POLRMT: variants seen among roughly 807,000 people sequenced by gnomAD.
The protein encoded by POLRMT is RNA polymerase mitochondrial, also known as DNA-directed RNA polymerase, mitochondrial.
In POLRMT, 114 loss-of-function variants were observed where a neutral mutation model predicts 132.2. The observed-to-expected ratio is 0.86, with a 90% CI of 0.74 to 1.01. POLRMT has a LOEUF of 1.01. Among genes scored for constraint, POLRMT ranks in the 50% least tolerant of loss-of-function variants. The pLI is 0.00. For missense variants in POLRMT, 2,003 were observed against 1,729.1 expected, an observed-to-expected ratio of 1.16 and a Z score of -2.81; for synonymous variants, 1,020 against 773.4, an observed-to-expected ratio of 1.32 and a Z score of -5.29.
In POLRMT at chr19:629,891, G is replaced by C. The variant is rs768466783; in HGVS notation, c.471C>G (p.Thr157=). The C allele has an allele frequency of 1.1e-4, 177 of 1,612,606 alleles. No homozygotes were observed. Among genetic ancestry groups the C allele is most frequent in the Non-Finnish European group, 1.4e-4 (169 of 1,179,716 alleles). ...PFQSGEFKAL[T]RRLQVEPRLL... is the part of the protein sequence containing the mutation. The stretch of plus-strand genomic sequence containing the variant: ...GCCGGGGCTCCACCTGCAGGCGCCT[G>C]GTCAGCGCCTTGAACTCCCCGCTCT... Residue 157 remains threonine, a synonymous_variant, in exon 3 of 21, where the codon ACC becomes ACG. Transcript: ENST00000588649.
At chr19:619,500 C>A in intron 13 of POLRMT, 86 bp downstream of exon 13, 1 of 1,542,378 alleles carries the variant, frequency 6.5e-7, no homozygotes, top group South Asian at 1.2e-5. Context: ...AGGGCTCCTG[C>A]TGGGAGGCTG....
At chr19:623,343 C>G in intron 6 of POLRMT, 111 bp downstream of exon 6, 1 of 1,499,748 alleles carries the variant, frequency 6.7e-7, no homozygotes, top group Non-Finnish European at 8.9e-7. Context: ...GGACACGCGA[C>G]CCCGGCTCAG....
At chr19:632,276 C>T (rs544851239) in intron 2 of POLRMT, among the ~76,000 whole-genome samples, 1 of 152,350 alleles carries the variant, frequency 6.6e-6, no homozygotes, top group South Asian at 2.1e-4. Context: ...CTCTCCCTTC[C>T]CGGCTGCCTA....
At position 620,354 on chromosome 19, in the gene POLRMT, A is replaced by G. The variant is rs936997215; in HGVS notation, c.2763+11T>C. 6.4e-7 allele frequency: 1 copy of G among 1,566,274 alleles called. No homozygotes were observed. Among genetic ancestry groups the G allele is most frequent in the Non-Finnish European group, 8.6e-7 (1 of 1,156,314 alleles). On this transcript the variant is annotated intron_variant, in intron 11 of 20. Transcript: ENST00000588649. ...CTGCACGGCCTCGGGGGCCAGACCC[A>G]GCTGGCTCACCTGATGGACGGGGAG...
intron 2 of POLRMT, among the ~76,000 whole-genome samples, chr19:630,858 T>G (rs1985362144): frequency 6.6e-6 from 1 of 152,192 alleles, no homozygotes; most frequent in Non-Finnish European, 1.5e-5. Context: ...AAAGAAGCCT[T>G]GTTGGAAATC....
intron 10 of POLRMT, 47 bp from the exon 11 acceptor site, chr19:620,534 T>C (rs564932646): frequency 1.4e-6 from 2 of 1,479,030 alleles, no homozygotes; most frequent in Non-Finnish European, 1.8e-6. Flanking sequence ...GCCCGATCCC[T>C]GAGCCCGCTG....
At chr19:632,482 A>G (rs2144715887) in intron 2 of POLRMT, among the ~76,000 whole-genome samples, 1 of 148,406 alleles carries the variant, frequency 6.7e-6, no homozygotes, top group East Asian at 2.0e-4. Context: ...AGGACAGCTG[A>G]GTCAGTTCAG....
rs1255985973 is a variant in POLRMT at position 622,584 on chromosome 19, C to G, written c.1624G>C (p.Glu542Gln). The G allele has an allele frequency of 6.3e-7, 1 of 1,598,402 alleles. No homozygotes were observed. Among genetic ancestry groups the G allele is most frequent in the Non-Finnish European group, 8.5e-7 (1 of 1,172,362 alleles). Residue 542 changes from glutamate to glutamine, a missense_variant and splice_region_variant, in exon 8 of 21, where the codon GAG becomes CAG. By Grantham distance (29) the Glu-to-Gln change is conservative (BLOSUM62 2). Transcript: ENST00000588649. ...AGGAGAGGGGGTGCGAGCCTCACCT[C>G]GGCGTCGGAGGCCAGCAAGCAGAGG... ...KYLCLLASDA[E>Q]VPEPCLPRQY...
Position 622,897 on chromosome 19 carries a change from A to C in POLRMT, c.1379T>G (p.Val460Gly), listed in dbSNP as rs1305931327. ...GTAAAGTGAGAACCGGCCCTCGTAC[A>C]CCTCGCGCTCTAGGCGGTTCTTGGT... Reference protein sequence around the residue: ...RETKNRLEREVYEGRFSLYPF... With the variant: ...RETKNRLEREGYEGRFSLYPF... Residue 460 changes from valine (V) to glycine (G), a missense_variant, in exon 7 of 21, where the codon GTG becomes GGG. Physicochemically the swap from Val to Gly is moderately radical, Grantham distance 109. Transcript: ENST00000588649. 1 of 1,612,022 alleles carries C rather than the reference A, an allele frequency of 6.2e-7. No individual in the cohort carries two copies. The highest frequency in any genetic ancestry group is 8.5e-7 in the Non-Finnish European group (1 of 1,179,652).
intron 10 of POLRMT, among the ~76,000 whole-genome samples, chr19:620,818 G>A (rs1415644742): frequency 9.0e-5 from 11 of 121,958 alleles, no homozygotes; most frequent in Non-Finnish European, 1.6e-4. Flanking sequence ...GGGGCCCTGG[G>A]GCAGGGGAGA....
rs1380969112 is a variant in POLRMT at position 621,358 on chromosome 19, C to T, written c.2340G>A (p.Leu780=). 5 of 1,572,988 alleles carry T rather than the reference C, an allele frequency of 3.2e-6. No individual in the cohort carries two copies. The highest frequency in any genetic ancestry group is 2.7e-5 in the African/African-American group (2 of 74,118). ...GGTGCTGCGCCAGCGAGAGGCGGTA[C>T]AGCGCCTCCGCCCGCAGGCTGTGCA... ...REMHSLRAEA[L]YRLSLAQHLR... Residue 780 remains leucine (L), a synonymous_variant, in exon 10 of 21, where the codon CTG becomes CTA. Transcript: ENST00000588649.
rs1428193021 is a variant in POLRMT, at chr19:621,480, G to A, written c.2218C>T (p.Gln740Ter). Reference protein sequence around the residue: ...GVPAPPSEAPQPPEAHLPHSA... With the variant: ...GVPAPPSEAP ...TGCGGCAGGTGGGCCTCGGGCGGCT[G>A]GGGCGCCTCGGAGGGCGGGGCCGGC... is the stretch of plus-strand genomic sequence containing the variant. Residue 740 changes from glutamine to a stop codon, truncating the protein, a stop_gained, in exon 10 of 21, where the codon CAG becomes TAG. Transcript: ENST00000588649. LOFTEE classifies it high-confidence loss of function. 5 of 1,365,194 alleles carry A rather than the reference G, an allele frequency of 3.7e-6. No individual in the cohort carries two copies. Among genetic ancestry groups the A allele is most frequent in the Non-Finnish European group, 4.7e-6 (5 of 1,066,794 alleles). The allele number at this position is 1,365,194 out of a possible 1,614,324, so 84.6% of individuals were successfully genotyped here. A position where few individuals can be genotyped will look rare whatever the true frequency, so the allele number is the denominator to read the frequency against.
Position 622,767 on chromosome 19 carries a change from C to T in POLRMT, c.1456-15G>A, listed in dbSNP as rs1555676020. 6.4e-7 allele frequency: 1 copy of T among 1,574,372 alleles called. No individual in the cohort carries two copies. On this transcript the variant is annotated splice_polypyrimidine_tract_variant and intron_variant, in intron 7 of 20. Coordinates refer to ENST00000588649, the MANE Select transcript of POLRMT (RefSeq NM_005035.4). ...GCCTGCAGGACCTGCGGAAGGCAGC[C>T]GTGAGTGCCTGCCCGCCCCGCCCGG...
Position 618,363 on chromosome 19 carries a change from G to T in POLRMT, c.3422+125C>A, listed in dbSNP as rs1984183270. 35 of 741,540 alleles carry T rather than the reference G, an allele frequency of 4.7e-5. No individual in the cohort carries two copies. The South Asian group carries it at 5.6e-4, about 12-fold the overall frequency. 45.9% of individuals were successfully genotyped at this position (741,540 alleles called of 1,614,324 possible). On this transcript the variant is annotated intron_variant, in intron 17 of 20. Transcript: ENST00000588649. ...TCAGGGCCTCTACACAGGCCCCACAGACACAGCAGATCCACTCTGCCCAGT... is the reference window on the plus strand; with the variant it reads ...TCAGGGCCTCTACACAGGCCCCACATACACAGCAGATCCACTCTGCCCAGT...
chr19:623,012 G>GC (rs1984751601), intron 6 of POLRMT, 27 bp from the exon 7 acceptor site: 1 of 1,606,132 alleles, frequency 6.2e-7, no homozygotes, highest in South Asian at 1.1e-5. Flanking sequence ...GGCCCGGTGA[G>GC]CCCCGTGGCA....
At chr19:617,543 G>C (rs1013672573) in intron 19 of POLRMT, 27 bp downstream of exon 19, 10 of 1,610,388 alleles carry the variant, frequency 6.2e-6, no homozygotes, top group Non-Finnish European at 8.5e-6. Context: ...GGGGAATCCA[G>C]GTAGTTGGGG....
intron 9 of POLRMT, 68 bp from the exon 10 acceptor site, chr19:621,914 T>A: frequency 6.5e-7 from 1 of 1,542,178 alleles, no homozygotes; most frequent in Non-Finnish European, 8.7e-7. Flanking sequence ...CCCCTTAAAC[T>A]TGGGTGAGAG....
At chr19:625,440 G>A (rs1417366058) in intron 3 of POLRMT, 186 bp from the exon 4 acceptor site, 6 of 722,158 alleles carry the variant, frequency 8.3e-6, no homozygotes, top group African/African-American at 3.7e-5. Flanking sequence ...CACCTGCAGA[G>A]GCAGCCGCAT....
In POLRMT at chr19:621,796, G is replaced by A. The variant is rs752761257; in HGVS notation, c.1902C>T (p.Ala634=). 16 of 1,602,444 alleles carry A rather than the reference G, an allele frequency of 1.0e-5. No individual in the cohort carries two copies. The highest frequency in any genetic ancestry group is 2.7e-5 in the African/African-American group (2 of 75,044). Residue 634 remains alanine, a synonymous_variant, in exon 10 of 21, where the codon GCC becomes GCT. Transcript: ENST00000588649. ...CCTCGAAGGTCAGCGTGGGCTCCGC[G>A]GCCTTCTCCAGCAGCTGCACGTAGG... The part of the protein sequence containing the change: ...HPAYVQLLEK[A]AEPTLTFEAV...
Sources: gnomAD v4.1 joint callset for allele counts (sites outside exome capture counted in the v4.1 genomes callset) on GRCh38, gnomAD v4.1.1 for gene constraint, MANE v1.5 for transcripts, NCBI Gene and HGNC (gene_info 2026-07-23, HGNC 2026-07-21) for gene names.